NFIB: variants seen among roughly 807,000 people sequenced by gnomAD.
The protein encoded by NFIB is nuclear factor 1 B-type.
Under a neutral mutation model 61.5 loss-of-function variants are expected in NFIB, and 11 were observed. That is an observed-to-expected ratio of 0.18 (90% confidence interval 0.11 to 0.30). NFIB has a LOEUF of 0.30. Ranked by LOEUF, NFIB falls within the 10% of genes least tolerant of loss-of-function variation. NFIB has a pLI of 1.00. For missense variants in NFIB, 471 were observed against 608.9 expected (o/e 0.77, Z 2.38); for synonymous variants, 260 against 216.5 (o/e 1.20, Z -1.76).
chr9:14,273,308 T>A (rs1357656660), intron 2 of NFIB, among the ~76,000 whole-genome samples: 1 of 152,196 alleles, frequency 6.6e-6, no homozygotes, highest in African/African-American at 2.4e-5. Flanking sequence ...TCCTTTAAGG[T>A]AACATGGGCC....
chr9:14,311,259 A>T lies in NFIB; in HGVS notation c.30+2223T>A, dbSNP rs544653152. Among the ~76,000 whole-genome samples the T allele has an allele frequency of 1.4e-3, 216 of 152,274 alleles. 1 individual carries two copies. The highest frequency in any genetic ancestry group is 6.3e-3 in the Admixed American group (97 of 15,298). On this transcript the variant is annotated intron_variant, in intron 1 of 10. Coordinates refer to ENST00000380953, the MANE Select transcript of NFIB (RefSeq NM_001190737.2). The stretch of plus-strand genomic sequence containing the variant: ...TTGCAACAATTGAGATACTTTTAAA[A>T]GTTTATAACCAATTAAGAATGATAC...
chr9:14,280,721 G>A (rs2058317415), intron 2 of NFIB, among the ~76,000 whole-genome samples: 1 of 152,090 alleles, frequency 6.6e-6, no homozygotes, highest in Non-Finnish European at 1.5e-5. Flanking sequence ...GGTGTCTGTG[G>A]TTCCTTGGAG....
At chr9:14,091,540 A>C (rs2033908084) in intron 10 of NFIB, among the ~76,000 whole-genome samples, 1 of 152,052 alleles carries the variant, frequency 6.6e-6, no homozygotes, top group South Asian at 2.1e-4. Context: ...TCTTATGTTC[A>C]TTCCAACTAT....
At chr9:14,293,402 A>G (rs574492715) in intron 2 of NFIB, among the ~76,000 whole-genome samples, 1 of 152,340 alleles carries the variant, frequency 6.6e-6, no homozygotes, top group East Asian at 1.9e-4. Context: ...CCTTCATGAA[A>G]TATTTTCTCT....
the NFIB span, among the ~76,000 whole-genome samples, chr9:14,475,904 C>A: frequency 1.3e-5 from 2 of 152,144 alleles, no homozygotes; most frequent in African/African-American, 2.4e-5. Context: ...GAAAGGAATT[C>A]AATTTGGTAG....
At chr9:14,397,744 C>T (rs913222379) in intron 1 of NFIB, among the ~76,000 whole-genome samples, 1 of 152,152 alleles carries the variant, frequency 6.6e-6, no homozygotes, top group African/African-American at 2.4e-5. Context: ...GGTGTTCTGA[C>T]ATAGTAGCTA....
At chr9:14,467,424 G>C in the NFIB span, among the ~76,000 whole-genome samples, 74 of 152,012 alleles carry the variant, frequency 4.9e-4, no homozygotes, top group Non-Finnish European at 8.7e-4. Flanking sequence ...ACAGTGATTA[G>C]AGAAGCCAAG....
intron 2 of NFIB, among the ~76,000 whole-genome samples, chr9:14,192,895 T>C (rs1246977773): frequency 6.6e-6 from 1 of 152,090 alleles, no homozygotes; most frequent in Non-Finnish European, 1.5e-5. Flanking sequence ...GATACATTTG[T>C]TTTTTTGAAT....
the NFIB span, among the ~76,000 whole-genome samples, chr9:14,461,505 T>C: frequency 6.6e-6 from 1 of 152,290 alleles, no homozygotes; most frequent in East Asian, 1.9e-4. Flanking sequence ...GCTCAAGTCT[T>C]TCTTCCACTG....
At chr9:14,136,995 G>A (rs2041125390) in intron 6 of NFIB, among the ~76,000 whole-genome samples, 1 of 152,040 alleles carries the variant, frequency 6.6e-6, no homozygotes, top group South Asian at 2.1e-4. Flanking sequence ...TTACTATGAT[G>A]GCATATTTAT....
At position 14,212,525 on chromosome 9, in the gene NFIB, T is replaced by C. The variant is rs183319629; in HGVS notation, c.563-32745A>G. Among the ~76,000 whole-genome samples, 3 of 152,076 alleles carry C rather than the reference T, an allele frequency of 2.0e-5. No homozygotes were observed. In the East Asian group the frequency reaches 5.8e-4, roughly 29 times the overall value. Reference sequence around the variant, plus strand: ...CAACTAGGTTAAATTCAATCCAAAATATAGATTTGGGAATTTCTAATAAAA... The same window carrying C: ...CAACTAGGTTAAATTCAATCCAAAACATAGATTTGGGAATTTCTAATAAAA... On this transcript the variant is annotated intron_variant, in intron 2 of 10. Transcript: ENST00000380953.
At chr9:14,166,857 T>A (rs888991878) in intron 3 of NFIB, among the ~76,000 whole-genome samples, 2 of 152,186 alleles carry the variant, frequency 1.3e-5, no homozygotes. Context: ...ATGAAAGCAA[T>A]TTAGTTTTTC....
chr9:14,255,855 T>C (rs1299636316), intron 2 of NFIB, among the ~76,000 whole-genome samples: 4 of 152,192 alleles, frequency 2.6e-5, no homozygotes, highest in Non-Finnish European at 5.9e-5. Flanking sequence ...AAACATTGAA[T>C]TCAACTCTGT....
intron 2 of NFIB, among the ~76,000 whole-genome samples, chr9:14,263,220 T>C (rs1588006445): frequency 1.3e-5 from 2 of 152,194 alleles, no homozygotes; most frequent in East Asian, 3.8e-4. Context: ...AGGTTTTTTT[T>C]TTCCCTTACT....
intron 2 of NFIB, chr9:14,204,216 G>C (rs1401540412): frequency 1.9e-6 from 1 of 539,264 alleles, no homozygotes. Context: ...TTTGAGGAAT[G>C]ATCTCTCTTT....
intron 10 of NFIB, among the ~76,000 whole-genome samples, 165 bp downstream of exon 10, chr9:14,112,834 G>C (rs1296945952): frequency 6.6e-6 from 1 of 152,190 alleles, no homozygotes; most frequent in Non-Finnish European, 1.5e-5. Context: ...TCAAAGAGGT[G>C]AGAAACAAAG....
At chr9:14,104,432 A>C (rs2118886174) in intron 10 of NFIB, among the ~76,000 whole-genome samples, 1 of 151,948 alleles carries the variant, frequency 6.6e-6, no homozygotes, top group Non-Finnish European at 1.5e-5. Context: ...TTTTTTTTAC[A>C]GTTTTTTTTA....
At chr9:14,150,302 TC>T in intron 4 of NFIB, 37 bp from the exon 5 acceptor site, 3 of 1,612,304 alleles carry the variant, frequency 1.9e-6, no homozygotes, top group Non-Finnish European at 2.5e-6. Flanking sequence ...GGAATGACAT[TC>T]GTATTTCTGA....
intron 1 of NFIB, among the ~76,000 whole-genome samples, chr9:14,353,133 C>A (rs1267836422): frequency 6.6e-6 from 1 of 152,086 alleles, no homozygotes; most frequent in Admixed American, 6.5e-5. Flanking sequence ...GTGCTGCAGC[C>A]TGTCCCTTTG....
Sources: gnomAD v4.1 joint callset for allele counts (sites outside exome capture counted in the v4.1 genomes callset) on GRCh38, gnomAD v4.1.1 for gene constraint, MANE v1.5 for transcripts, NCBI Gene and HGNC (gene_info 2026-07-23, HGNC 2026-07-21) for gene names.